Variants in ELFN1 observed in about 807,000 individuals in gnomAD.
ELFN1 encodes the protein protein ELFN1.
A neutral mutation model predicts 7.6 loss-of-function variants in ELFN1; 6 were observed. The observed-to-expected ratio is 0.79, with a 90% CI of 0.43 to 1.56. ELFN1 has a LOEUF of 1.56. Ranked by LOEUF, ELFN1 falls within the 40% of genes most tolerant of loss-of-function variation. ELFN1 has a pLI of 0.01. For synonymous variants in ELFN1, 657 were observed against 588.1 expected (o/e 1.12, Z -1.70); for missense variants, 1,169 against 1,232.2 (o/e 0.95, Z 0.77).
At chr7:1,685,283 G>A (rs1040147806) in intron 1 of ELFN1, among the ~76,000 whole-genome samples, 1 of 152,072 alleles carries the variant, frequency 6.6e-6, no homozygotes, top group African/African-American at 2.4e-5. Context: ...GTCCAGGTTT[G>A]GATTTTTCTT....
Position 1,740,868 on chromosome 7 carries a change from G to A in ELFN1, c.-293-3436G>A, listed in dbSNP as rs1780590542. 6.6e-6 allele frequency among the ~76,000 whole-genome samples: 1 copy of A among 152,156 alleles called. No homozygotes were observed. The highest frequency in any genetic ancestry group is 2.1e-4 in the South Asian group (1 of 4,824). ...CCCTTGGCTGGGCATGGTGGCTCAC[G>A]CCTGTAATCCCAGCACTTTGGGAGG... On this transcript the variant is annotated intron_variant, in intron 3 of 3. Transcript: ENST00000424383. This position sits in a 1 kb window ranked among gnomAD's most constrained non-coding sequence, Gnocchi z 5.0.
intron 2 of ELFN1, among the ~76,000 whole-genome samples, chr7:1,706,188 G>T (rs907192186): frequency 1.1e-4 from 16 of 152,226 alleles, no homozygotes; most frequent in Non-Finnish European, 2.2e-4. Context: ...ACTTTGAGAG[G>T]CCGAGGTGGG....
chr7:1,699,765 A>G (rs947070618), intron 2 of ELFN1, among the ~76,000 whole-genome samples: 1 of 152,092 alleles, frequency 6.6e-6, no homozygotes, highest in African/African-American at 2.4e-5. Flanking sequence ...GTGCAATGGC[A>G]TGATCTCTGC....
intron 3 of ELFN1, among the ~76,000 whole-genome samples, chr7:1,737,363 G>C (rs1266894118): frequency 1.3e-5 from 2 of 152,028 alleles, no homozygotes; most frequent in East Asian, 1.9e-4. Flanking sequence ...AGATGAACAC[G>C]GACCCTCCTG....
At chr7:1,683,572 T>G (rs1421365554) in intron 1 of ELFN1, among the ~76,000 whole-genome samples, 2 of 152,242 alleles carry the variant, frequency 1.3e-5, no homozygotes, top group African/African-American at 4.8e-5. Flanking sequence ...GGCGGTAATA[T>G]TCAAGTCTTC....
At chr7:1,680,128 G>A (rs976152266) in intron 1 of ELFN1, among the ~76,000 whole-genome samples, 5 of 152,210 alleles carry the variant, frequency 3.3e-5, no homozygotes, top group African/African-American at 1.2e-4. Context: ...TCCGTGGTCT[G>A]GATACGAAAG....
At chr7:1,699,713 T>C (rs982683671) in intron 2 of ELFN1, among the ~76,000 whole-genome samples, 4 of 151,786 alleles carry the variant, frequency 2.6e-5, no homozygotes, top group Non-Finnish European at 4.4e-5. Context: ...TTCTCCTACT[T>C]TTTTTTTGGA....
chr7:1,667,306 T>C (rs1451139449), upstream of ELFN1, among the ~76,000 whole-genome samples: 5 of 151,700 alleles, frequency 3.3e-5, no homozygotes, highest in African/African-American at 4.8e-5. This position sits in a 1 kb window ranked among gnomAD's most constrained non-coding sequence, Gnocchi z 8.2. Flanking sequence ...TCCGCGCCCT[T>C]CCTCCCAACC....
intron 3 of ELFN1, among the ~76,000 whole-genome samples, chr7:1,742,859 A>AT (rs960837519): frequency 6.6e-6 from 1 of 152,050 alleles, no homozygotes; most frequent in East Asian, 1.9e-4. Flanking sequence ...ACATCATTAT[A>AT]TTTTTTTTCT....
rs1299760274 is a variant in ELFN1 at position 1,670,403 on chromosome 7, G to A, written c.-549+49G>A. ...GCTGAACCTGGGGGACTTGGGACCC[G>A]GACCACCCCCGGGGAGCGGCGCGGC... On this transcript the variant is annotated intron_variant, in intron 1 of 3. Transcript: ENST00000424383. This position sits in a 1 kb window ranked among gnomAD's most constrained non-coding sequence, Gnocchi z 6.4. 6.6e-6 allele frequency among the ~76,000 whole-genome samples: 1 copy of A among 151,620 alleles called. No individual in the cohort carries two copies. Among genetic ancestry groups the A allele is most frequent in the African/African-American group, 2.4e-5 (1 of 41,306 alleles).
intron 2 of ELFN1, chr7:1,692,107 C>G (rs1228267839): frequency 6.6e-6 from 1 of 152,278 alleles, no homozygotes; most frequent in Non-Finnish European, 1.5e-5. Flanking sequence ...CTCCTGGCAT[C>G]TGCTATTTCC....
intron 3 of ELFN1, chr7:1,738,674 C>G (rs939177916): frequency 6.6e-6 from 1 of 151,892 alleles, no homozygotes; most frequent in African/African-American, 2.4e-5. Context: ...GTCTTTACTC[C>G]CATTCAACGG....
rs1287592052 is a variant in ELFN1 at position 1,695,845 on chromosome 7, C to T, written c.-456+7695C>T. ...TTTACTCAGCAAATCTTGTTGGGCC[C>T]GCCAGGCCCTAGGGTTACCAGACAA... On this transcript the variant is annotated intron_variant, in intron 2 of 3. Coordinates refer to ENST00000424383, the MANE Select transcript of ELFN1 (RefSeq NM_001128636.4). The surrounding 1 kb of genome is among the most constrained non-coding windows in gnomAD (Gnocchi z 5.1). Among the ~76,000 whole-genome samples, 5 of 152,156 alleles carry T rather than the reference C, an allele frequency of 3.3e-5. No homozygotes were observed. Among genetic ancestry groups the T allele is most frequent in the South Asian group, 2.1e-4 (1 of 4,814 alleles).
intron 2 of ELFN1, among the ~76,000 whole-genome samples, chr7:1,698,354 G>A (rs1779360845): frequency 6.6e-6 from 1 of 152,128 alleles, no homozygotes; most frequent in Admixed American, 6.6e-5. Context: ...TGCACCCTCG[G>A]TGCTCCCTCT....
Position 1,745,359 on chromosome 7 carries a change from T to C in ELFN1, c.763T>C (p.Tyr255His), listed in dbSNP as rs1159597909. 1.2e-5 allele frequency: 18 copies of C among 1,539,648 alleles called. No individual in the cohort carries two copies. The East Asian group carries it at 4.2e-4, about 36-fold the overall frequency. ...GCAGTCAGTCTGCACCGAGGACTCG[T>C]ACGCGGCTGAGGTGGTCGGGCCCCC... ...KLQSVCTEDSYAAEVVGPPRP... is the reference protein window; with the variant it reads ...KLQSVCTEDSHAAEVVGPPRP... Residue 255 changes from tyrosine to histidine, a missense_variant, in exon 4 of 4, where the codon TAC becomes CAC. Physicochemically the swap from Tyr to His is moderately conservative, Grantham distance 83. Around this residue, in one of 2 missense-constraint regions of ELFN1, gnomAD observed 914 missense variants for 872.6 expected, o/e 1.05. Coordinates refer to ENST00000424383, the MANE Select transcript of ELFN1 (RefSeq NM_001128636.4).
chr7:1,716,782 G>C (rs769195797), intron 3 of ELFN1, among the ~76,000 whole-genome samples: 7 of 152,328 alleles, frequency 4.6e-5, no homozygotes, highest in African/African-American at 1.7e-4. Context: ...GTCAGAGAGC[G>C]TGCAGGGGAA....
chr7:1,722,488 C>T (rs1780054267), intron 3 of ELFN1, among the ~76,000 whole-genome samples: 2 of 151,838 alleles, frequency 1.3e-5, no homozygotes, highest in Non-Finnish European at 2.9e-5. Flanking sequence ...AGGCTGGTCT[C>T]GAACTCCTGA....
intron 1 of ELFN1, among the ~76,000 whole-genome samples, chr7:1,680,737 ATTTTTTTTTTT>A (rs967183963): frequency 3.9e-5 from 5 of 128,922 alleles, no homozygotes; most frequent in African/African-American, 6.0e-5. Context: ...TGGATTTACA[ATTTTTTTTTTT>A]TTTTTTTTTT....
At chr7:1,698,903 G>A (rs374773106) in intron 2 of ELFN1, among the ~76,000 whole-genome samples, 3 of 152,076 alleles carry the variant, frequency 2.0e-5, no homozygotes, top group African/African-American at 4.8e-5. Context: ...CCAGCCCCCC[G>A]TGTCACCAGC....
Sources: gnomAD v4.1 joint callset for allele counts (sites outside exome capture counted in the v4.1 genomes callset) on GRCh38, gnomAD v4.1.1 for gene constraint, gnomAD v4.1.1 regional missense constraint, Gnocchi (gnomAD v3.1) non-coding constraint, MANE v1.5 for transcripts, NCBI Gene and HGNC (gene_info 2026-07-23, HGNC 2026-07-21) for gene names.